MYCT1: variants seen among roughly 807,000 people sequenced by gnomAD.
MYCT1 encodes the protein myc target protein 1.
Under a neutral mutation model 15.0 loss-of-function variants are expected in MYCT1, and 12 were observed. The ratio of observed to expected loss-of-function variants is 0.80; its 90% CI spans 0.51 to 1.29. The LOEUF is 1.29. MYCT1 is among the 50% of genes most tolerant of loss of function. The pLI is 0.00. For missense variants in MYCT1, 287 were observed against 279.1 expected, an observed-to-expected ratio of 1.03 and a Z score of -0.20; for synonymous variants, 104 against 102.7, an observed-to-expected ratio of 1.01 and a Z score of -0.07.
chr6:152,704,811 A>G (rs965605062), intron 1 of MYCT1, among the ~76,000 whole-genome samples: 2 of 152,200 alleles, frequency 1.3e-5, no homozygotes, highest in African/African-American at 4.8e-5. Flanking sequence ...GATTACCACA[A>G]TCAAGCTAAT....
intron 1 of MYCT1, among the ~76,000 whole-genome samples, chr6:152,703,985 ATTTTAT>A (rs2099721799): frequency 2.2e-5 from 3 of 135,828 alleles, no homozygotes; most frequent in Admixed American, 7.6e-5. Context: ...ATTTTATTTT[ATTTTAT>A]TTTATTTTAT....
intron 1 of MYCT1, among the ~76,000 whole-genome samples, chr6:152,703,392 A>C (rs184873969): frequency 1.4e-4 from 21 of 152,326 alleles, no homozygotes; most frequent in Admixed American, 3.9e-4. Context: ...TTTATTATGA[A>C]AATGTTCAAA....
intron 1 of MYCT1, among the ~76,000 whole-genome samples, chr6:152,699,307 A>G (rs12660378): frequency 0.058 from 8,875 of 151,776 alleles, 394 homozygotes; most frequent in East Asian, 0.17. Context: ...AAAATTCAGC[A>G]TAAGAAAAAA....
intron 1 of MYCT1, among the ~76,000 whole-genome samples, chr6:152,708,133 T>C (rs1327945513): frequency 6.6e-6 from 1 of 151,946 alleles, no homozygotes; most frequent in African/African-American, 2.4e-5. Context: ...AGTATATCTC[T>C]CCACTTTTTA....
intron 1 of MYCT1, among the ~76,000 whole-genome samples, chr6:152,700,208 T>A (rs578009726): frequency 5.3e-5 from 8 of 152,170 alleles, no homozygotes; most frequent in Non-Finnish European, 1.0e-4. Context: ...TAAATTGATG[T>A]CTATTTTGAC....
chr6:152,729,902 G>A, the MYCT1 span, among the ~76,000 whole-genome samples: 38 of 152,104 alleles, frequency 2.5e-4, no homozygotes, highest in Non-Finnish European at 4.7e-4. Flanking sequence ...TCCAGACAGA[G>A]TCAGGCAAAT....
chr6:152,736,924 G>A, the MYCT1 span, among the ~76,000 whole-genome samples: 1 of 151,968 alleles, frequency 6.6e-6, no homozygotes, highest in Admixed American at 6.6e-5. Context: ...GTAAGCACAG[G>A]GTATATTCCT....
In MYCT1 at chr6:152,722,638, A is replaced by G. The variant is rs897616211; in HGVS notation, c.*385A>G. ...CCAATGTGACTAAAAAGAGAAAAAA[A>G]ATCACTGTGTCACTTTAAAGAAAAA... On this transcript the variant is annotated 3_prime_UTR_variant, in exon 2 of 2. Coordinates refer to ENST00000367245, the MANE Select transcript of MYCT1 (RefSeq NM_025107.3). The G allele has an allele frequency of 4.2e-6, 1 of 235,372 alleles. No individual in the cohort carries two copies. Among genetic ancestry groups the G allele is most frequent in the African/African-American group, 2.3e-5 (1 of 43,892 alleles). The allele number at this position is 235,372 out of a possible 1,614,324, so 14.6% of individuals were successfully genotyped here. A position where few individuals can be genotyped will look rare whatever the true frequency, so the allele number is the denominator to read the frequency against.
At chr6:152,700,931 A>G (rs1381290966) in intron 1 of MYCT1, among the ~76,000 whole-genome samples, 3 of 152,192 alleles carry the variant, frequency 2.0e-5, no homozygotes, top group Non-Finnish European at 4.4e-5. Flanking sequence ...TCTGTCTCAA[A>G]AGGATTATGC....
the MYCT1 span, among the ~76,000 whole-genome samples, chr6:152,731,748 AT>A: frequency 0.029 from 4,007 of 140,314 alleles, 101 homozygotes; most frequent in African/African-American, 0.063. Context: ...AGAGAACGCC[AT>A]TTTTTTTTTT....
rs2099720700 is a variant in MYCT1 at position 152,698,009 on chromosome 6, C to CTGTTT, written c.109_113dup (p.Phe38LeufsTer21). 6.2e-7 allele frequency: 1 copy of CTGTTT among 1,610,104 alleles called. No individual in the cohort carries two copies. On this transcript the variant is annotated frameshift_variant, in exon 1 of 2. Coordinates refer to ENST00000367245, the MANE Select transcript of MYCT1 (RefSeq NM_025107.3). LOFTEE classifies it high-confidence loss of function. ...TTTTTCGACATACTGGTTTTTCTTT[C>CTGTTT]TGTTTTTCTTCTCTTTCTTCTATTT...
Position 152,698,591 on chromosome 6 carries a change from G to C in MYCT1, c.196+493G>C, listed in dbSNP as rs117893517. On this transcript the variant is annotated intron_variant, in intron 1 of 1. Coordinates refer to ENST00000367245, the MANE Select transcript of MYCT1 (RefSeq NM_025107.3). ...TGTTATATGCTTTAATTTCCAAAGT[G>C]AATCCTAATAACATCTGTACTTAAA... Among the ~76,000 whole-genome samples, 177 of 152,154 alleles carry C rather than the reference G, an allele frequency of 1.2e-3. 3 individuals are homozygous for C. In the East Asian group the frequency reaches 0.032, roughly 27 times the overall value.
At chr6:152,733,930 C>G in the MYCT1 span, among the ~76,000 whole-genome samples, 2 of 151,992 alleles carry the variant, frequency 1.3e-5, no homozygotes, top group South Asian at 2.1e-4. Flanking sequence ...AAAAAATGTT[C>G]AGAAGACCTT....
At chr6:152,734,437 T>G in the MYCT1 span, among the ~76,000 whole-genome samples, 20 of 152,270 alleles carry the variant, frequency 1.3e-4, 1 homozygote, top group African/African-American at 4.3e-4. Context: ...ACTGTGTTGC[T>G]TGGAAAAACT....
rs1350452106 is a variant in MYCT1, at chr6:152,697,961, A to C, written c.59A>C (p.Gln20Pro). Residue 20 changes from glutamine (Q) to proline (P), a missense_variant, in exon 1 of 2, where the codon CAA becomes CCA. By Grantham distance (76) the Gln-to-Pro change is moderately conservative (BLOSUM62 -1). Coordinates refer to ENST00000367245, the MANE Select transcript of MYCT1 (RefSeq NM_025107.3). ...AATTATTTTTCTCTTGCTGTACTAC[A>C]AAGAGATAGAATCAAACTGCTTTTT... ...CKNYFSLAVL[Q>P]RDRIKLLFFD... The C allele has an allele frequency of 1.4e-5, 22 of 1,603,698 alleles. No individual in the cohort carries two copies. Among genetic ancestry groups the C allele is most frequent in the Non-Finnish European group, 1.9e-5 (22 of 1,176,576 alleles).
chr6:152,728,815 G>A (rs375898791), downstream of MYCT1, among the ~76,000 whole-genome samples: 46 of 152,210 alleles, frequency 3.0e-4, 1 homozygote, highest in African/African-American at 1.1e-3. Context: ...TTGAGGTGAG[G>A]GCATAGCTTG....
intron 1 of MYCT1, among the ~76,000 whole-genome samples, chr6:152,717,337 C>T (rs375758568): frequency 4.6e-5 from 7 of 152,114 alleles, no homozygotes; most frequent in African/African-American, 1.7e-4. Flanking sequence ...AGAAATTCTT[C>T]TGTCAGCAGT....
the MYCT1 span, among the ~76,000 whole-genome samples, chr6:152,730,446 C>A: frequency 6.6e-6 from 1 of 152,330 alleles, no homozygotes; most frequent in Admixed American, 6.5e-5. Flanking sequence ...ACAATTTTTG[C>A]GTGCCATCCA....
At chr6:152,740,238 C>T in the MYCT1 span, among the ~76,000 whole-genome samples, 4 of 151,946 alleles carry the variant, frequency 2.6e-5, no homozygotes, top group Non-Finnish European at 2.9e-5. Flanking sequence ...TTAGTAGAGA[C>T]GGGGTTTCTC....
Sources: gnomAD v4.1 joint callset for allele counts (sites outside exome capture counted in the v4.1 genomes callset) on GRCh38, gnomAD v4.1.1 for gene constraint, MANE v1.5 for transcripts, NCBI Gene and HGNC (gene_info 2026-07-23, HGNC 2026-07-21) for gene names.